Variants in PAK2 observed in about 807,000 individuals in gnomAD.
PAK2 encodes p21 (RAC1) activated kinase 2, also known as serine/threonine-protein kinase PAK 2.
A neutral mutation model predicts 65.9 loss-of-function variants in PAK2; 21 were observed. The ratio of observed to expected loss-of-function variants is 0.32; its 90% confidence interval spans 0.23 to 0.46. The LOEUF (loss-of-function observed/expected upper bound fraction) is 0.46. Ranked by LOEUF, PAK2 falls within the 20% of genes least tolerant of loss-of-function variation. The pLI is 1.00. For missense variants in PAK2, 324 were observed against 642.6 expected, an observed-to-expected ratio of 0.50 and a Z score of 5.36; for synonymous variants, 204 against 219.7, an observed-to-expected ratio of 0.93 and a Z score of 0.63.
At chr3:196,792,769 C>T (rs1715113651) in intron 2 of PAK2, among the ~76,000 whole-genome samples, 2 of 151,950 alleles carry the variant, frequency 1.3e-5, no homozygotes, top group South Asian at 4.1e-4. Flanking sequence ...TCTATTTACT[C>T]TCCCTCCCAA....
At chr3:196,753,022 C>T (rs1017837690) in intron 1 of PAK2, among the ~76,000 whole-genome samples, 12 of 151,630 alleles carry the variant, frequency 7.9e-5, no homozygotes, top group African/African-American at 2.7e-4. Context: ...CCTGTGTCAC[C>T]CAGGCTGGAG....
At chr3:196,784,481 G>GT (rs1714820763) in intron 2 of PAK2, among the ~76,000 whole-genome samples, 1 of 112,170 alleles carries the variant, frequency 8.9e-6, no homozygotes, top group South Asian at 3.3e-4. Context: ...GCAGTGTTTG[G>GT]TTTTTTGTTC....
intron 4 of PAK2, among the ~76,000 whole-genome samples, chr3:196,804,346 AG>A (rs1715512439): frequency 6.6e-6 from 1 of 152,204 alleles, no homozygotes; most frequent in Non-Finnish European, 1.5e-5. Context: ...TCTATCAACC[AG>A]TAAGTCTGTG....
At chr3:196,742,903 G>C (rs902222423) in intron 1 of PAK2, among the ~76,000 whole-genome samples, 5 of 152,206 alleles carry the variant, frequency 3.3e-5, no homozygotes, top group African/African-American at 1.2e-4. Flanking sequence ...CTGGGCTACA[G>C]AGCGAGACTC....
intron 2 of PAK2, among the ~76,000 whole-genome samples, chr3:196,795,068 A>G (rs780682581): frequency 7.2e-5 from 11 of 152,240 alleles, no homozygotes; most frequent in African/African-American, 1.9e-4. Flanking sequence ...AATTTAATGA[A>G]AACTGTAAAC....
intron 13 of PAK2, among the ~76,000 whole-genome samples, chr3:196,825,352 AAAAT>A (rs1207437910): frequency 6.6e-6 from 1 of 151,404 alleles, no homozygotes; most frequent in East Asian, 1.9e-4. Context: ...TCTGAAAAGA[AAAAT>A]AAATAGGCCA....
chr3:196,788,258 A>G (rs1469026598), intron 2 of PAK2, among the ~76,000 whole-genome samples: 1 of 152,196 alleles, frequency 6.6e-6, no homozygotes, highest in Non-Finnish European at 1.5e-5. Context: ...TCCATTTTTT[A>G]AAAATCATAA....
chr3:196,753,249 G>A (rs187828649), intron 1 of PAK2, among the ~76,000 whole-genome samples: 19 of 148,968 alleles, frequency 1.3e-4, no homozygotes, highest in African/African-American at 3.0e-4. Flanking sequence ...GAGCCACCGC[G>A]CCGGGCCTGA....
rs1715872709 is a variant in PAK2, at chr3:196,812,866, T to G, written c.935+15T>G. 9.4e-7 allele frequency: 1 copy of G among 1,058,684 alleles called. No individual in the cohort carries two copies. The highest frequency in any genetic ancestry group is 1.5e-6 in the Non-Finnish European group (1 of 683,722). 65.6% of individuals were successfully genotyped at this position (1,058,684 alleles called of 1,614,324 possible). A position where few individuals can be genotyped will look rare whatever the true frequency, so the allele number is the denominator to read the frequency against. On this transcript the variant is annotated intron_variant, in intron 10 of 14. Transcript: ENST00000327134. Reference sequence around the variant, plus strand: ...TTTTTGGACAGGTAAGTATGACTATTCCTTAAACACCGGGAGAAAATGTAG... The same window carrying G: ...TTTTTGGACAGGTAAGTATGACTATGCCTTAAACACCGGGAGAAAATGTAG...
intron 1 of PAK2, among the ~76,000 whole-genome samples, chr3:196,763,490 C>T (rs749801421): frequency 1.3e-5 from 2 of 151,982 alleles, no homozygotes; most frequent in South Asian, 2.1e-4. Context: ...GCCTCAGATC[C>T]GTTTTCGGAA....
At chr3:196,806,136 C>T (rs778988542) in intron 5 of PAK2, among the ~76,000 whole-genome samples, 2 of 151,968 alleles carry the variant, frequency 1.3e-5, no homozygotes, top group African/African-American at 2.4e-5. Flanking sequence ...TGGTCTTGAT[C>T]TCCTGACCTT....
rs567756325 is a variant in PAK2, at chr3:196,791,634, T to C, written c.187+8801T>C. On this transcript the variant is annotated intron_variant, in intron 2 of 14. Coordinates refer to ENST00000327134, the MANE Select transcript of PAK2 (RefSeq NM_002577.4). This position sits in a 1 kb window ranked among gnomAD's most constrained non-coding sequence, Gnocchi z 4.0. ...TTTTTTCTTTATGTGTTAAGAAATA[T>C]AATTCCTGGGCCGGGCGTGGTGGCT... Among the ~76,000 whole-genome samples the C allele has an allele frequency of 2.0e-5, 3 of 152,316 alleles. No individual in the cohort carries two copies. Among genetic ancestry groups the C allele is most frequent in the Non-Finnish European group, 4.4e-5 (3 of 68,024 alleles).
chr3:196,799,627 T>C (rs965191584), intron 2 of PAK2, among the ~76,000 whole-genome samples: 5 of 152,230 alleles, frequency 3.3e-5, no homozygotes, highest in African/African-American at 1.2e-4. Flanking sequence ...TGGAGGACTT[T>C]CCAGCCTCCA....
chr3:196,824,837 C>T (rs1049075153), intron 13 of PAK2, among the ~76,000 whole-genome samples: 2 of 151,532 alleles, frequency 1.3e-5, no homozygotes, highest in Non-Finnish European at 2.9e-5. Flanking sequence ...GACCATAGGA[C>T]TGTGTAATGT....
intron 10 of PAK2, among the ~76,000 whole-genome samples, chr3:196,813,624 T>A (rs1164594226): frequency 2.0e-5 from 3 of 152,124 alleles, no homozygotes; most frequent in African/African-American, 7.2e-5. Context: ...GTTTAGAGAC[T>A]TTATCCCTAG....
At chr3:196,811,790 TA>T (rs1293769278) in intron 8 of PAK2, among the ~76,000 whole-genome samples, 1 of 152,008 alleles carries the variant, frequency 6.6e-6, no homozygotes, top group Non-Finnish European at 1.5e-5. Flanking sequence ...CCTTTGTAGT[TA>T]AAAGTATGGA....
At chr3:196,769,363 T>C (rs1714285537) in intron 1 of PAK2, among the ~76,000 whole-genome samples, 1 of 151,970 alleles carries the variant, frequency 6.6e-6, no homozygotes, top group Admixed American at 6.5e-5. Context: ...CTTCGTATCC[T>C]AGTTTTTTGT....
At chr3:196,800,627 A>G (rs1715396942) in intron 2 of PAK2, among the ~76,000 whole-genome samples, 1 of 152,236 alleles carries the variant, frequency 6.6e-6, no homozygotes, top group African/African-American at 2.4e-5. Flanking sequence ...GCAGTCTGAT[A>G]GTGGCATAAA....
chr3:196,749,989 C>CCT (rs1553799407), intron 1 of PAK2, among the ~76,000 whole-genome samples: 14 of 141,384 alleles, frequency 9.9e-5, no homozygotes, highest in African/African-American at 3.7e-4. Context: ...CTGGCTATTT[C>CCT]TTTTTTTTTT....
Sources: gnomAD v4.1 joint callset for allele counts (sites outside exome capture counted in the v4.1 genomes callset) on GRCh38, gnomAD v4.1.1 for gene constraint, Gnocchi (gnomAD v3.1) non-coding constraint, MANE v1.5 for transcripts, NCBI Gene and HGNC (gene_info 2026-07-23, HGNC 2026-07-21) for gene names.